LAMC1: variants seen among roughly 807,000 people sequenced by gnomAD.
LAMC1 encodes the protein laminin subunit gamma 1, also known as laminin subunit gamma-1.
Under a neutral mutation model 173.6 loss-of-function variants are expected in LAMC1, and 38 were observed. That is an observed-to-expected ratio of 0.22 (90% CI 0.17 to 0.29). LAMC1 has a LOEUF of 0.29. LAMC1 is among the 10% of genes least tolerant of loss of function. The pLI, the probability that LAMC1 is intolerant of heterozygous loss-of-function variation, is 1.00. For missense variants in LAMC1, 1,824 were observed against 2,051.8 expected (o/e 0.89, Z 2.14); for synonymous variants, 746 against 749.1 (o/e 1.00, Z 0.07).
In LAMC1 at chr1:183,134,768, G is replaced by A. The variant is rs755897566; in HGVS notation, c.3958G>A (p.Glu1320Lys). The change falls in exon 23 of 28, where the codon GAA (glutamate) becomes AAA (lysine). Residue 1320 changes from glutamate (E) to lysine (K), a missense_variant. Transcript: ENST00000258341. ...LREDMRGKEL[E>K]VKNLLEKGKT... is the part of the protein sequence containing the mutation. The stretch of plus-strand genomic sequence containing the variant: ...AGAAGATATGAGAGGGAAGGAACTT[G>A]AAGTCAAGAACCTTCTGGAGAAAGG... 4.3e-6 allele frequency: 7 copies of A among 1,613,866 alleles called. No individual in the cohort carries two copies. The highest frequency in any genetic ancestry group is 5.1e-6 in the Non-Finnish European group (6 of 1,179,926).
intron 3 of LAMC1, 78 bp downstream of exon 3, chr1:183,108,484 TA>T: frequency 8.0e-7 from 1 of 1,249,442 alleles, no homozygotes; most frequent in Non-Finnish European, 1.1e-6. Flanking sequence ...TGTTTACAAC[TA>T]TGTTAATACC....
chr1:183,128,481 AAAAAG>A, intron 17 of LAMC1, 108 bp from the exon 18 acceptor site: 3 of 747,770 alleles, frequency 4.0e-6, no homozygotes, highest in South Asian at 2.9e-5. Context: ...AAAAAAAAAA[AAAAAG>A]AACTACATAT....
At chr1:183,025,073 G>A (rs1370471096) in intron 1 of LAMC1, among the ~76,000 whole-genome samples, 1 of 152,214 alleles carries the variant, frequency 6.6e-6, no homozygotes, top group Non-Finnish European at 1.5e-5. Context: ...TGAGAAACAC[G>A]TTTGACTTAA....
chr1:183,091,241 C>G (rs1225081152), intron 1 of LAMC1, among the ~76,000 whole-genome samples: 1 of 152,032 alleles, frequency 6.6e-6, no homozygotes, highest in African/African-American at 2.4e-5. Flanking sequence ...TTTCTTAGAT[C>G]TGGATTGGAG....
At chr1:183,052,465 C>G (rs12068811) in intron 1 of LAMC1, among the ~76,000 whole-genome samples, 7,229 of 152,176 alleles carry the variant, frequency 0.048, 361 homozygotes, top group African/African-American at 0.13. Flanking sequence ...TCCCGAGTAG[C>G]TGGGATTACA....
At chr1:183,105,669 G>A (rs554196642) in intron 2 of LAMC1, among the ~76,000 whole-genome samples, 3 of 152,238 alleles carry the variant, frequency 2.0e-5, no homozygotes, top group East Asian at 1.9e-4. Context: ...CTGCATAGAC[G>A]TGGTCAGTCA....
At position 183,124,862 on chromosome 1, in the gene LAMC1, C is replaced by T. The variant is rs745594870; in HGVS notation, c.2633C>T (p.Ala878Val). 6.2e-7 allele frequency: 1 copy of T among 1,613,992 alleles called. No individual in the cohort carries two copies. The highest frequency in any genetic ancestry group is 1.3e-5 in the African/African-American group (1 of 74,930). Reference sequence around the variant, plus strand: ...GGAAATCCCCTGGCTCCCAATCCAGCAGACAAATGCAAAGGTAATCAGCCT... The same window carrying T: ...GGAAATCCCCTGGCTCCCAATCCAGTAGACAAATGCAAAGGTAATCAGCCT... ...FFGNPLAPNP[A>V]DKCKACNCNL... Residue 878 changes from alanine to valine, a missense_variant, in exon 14 of 28, where the codon GCA becomes GTA. Coordinates refer to ENST00000258341, the MANE Select transcript of LAMC1 (RefSeq NM_002293.4).
At chr1:183,038,985 T>C (rs1010652699) in intron 1 of LAMC1, among the ~76,000 whole-genome samples, 4 of 152,140 alleles carry the variant, frequency 2.6e-5, no homozygotes, top group African/African-American at 9.7e-5. Context: ...TTATTTAATC[T>C]CTTACCAAAT....
intron 1 of LAMC1, among the ~76,000 whole-genome samples, chr1:183,055,082 G>A (rs1319769224): frequency 2.0e-5 from 3 of 150,760 alleles, no homozygotes; most frequent in East Asian, 3.9e-4. Flanking sequence ...TCCACCTCCC[G>A]GGTTCAAGCG....
intron 1 of LAMC1, among the ~76,000 whole-genome samples, chr1:183,030,227 T>A (rs1436577119): frequency 3.3e-5 from 5 of 152,222 alleles, no homozygotes; most frequent in Non-Finnish European, 7.3e-5. Flanking sequence ...AGACTCCATA[T>A]GTCCCAGCCC....
intron 1 of LAMC1, among the ~76,000 whole-genome samples, chr1:183,096,869 T>C (rs1655706630): frequency 2.0e-5 from 3 of 152,226 alleles, no homozygotes; most frequent in Non-Finnish European, 2.9e-5. Flanking sequence ...AGATAAGTTT[T>C]AGCCAATAGA....
intron 19 of LAMC1, among the ~76,000 whole-genome samples, chr1:183,130,845 T>C (rs1335910044): frequency 6.6e-6 from 1 of 152,084 alleles, no homozygotes; most frequent in Admixed American, 6.6e-5. Flanking sequence ...CAATCAAGGG[T>C]GCTGATATTA....
intron 1 of LAMC1, among the ~76,000 whole-genome samples, chr1:183,081,481 C>G (rs912718870): frequency 1.3e-5 from 2 of 151,344 alleles, no homozygotes; most frequent in Non-Finnish European, 2.9e-5. Flanking sequence ...ACCTATGGTC[C>G]CAGCTACAGT....
chr1:183,106,225 G>C (rs1418754491), intron 2 of LAMC1, among the ~76,000 whole-genome samples: 2 of 152,300 alleles, frequency 1.3e-5, no homozygotes, highest in Admixed American at 6.5e-5. Context: ...TTTTTGAGAA[G>C]CTCTTATTCA....
Position 183,134,651 on chromosome 1 carries a change from T to C in LAMC1, c.3850-9T>C. 1 of 1,606,030 alleles carries C rather than the reference T, an allele frequency of 6.2e-7. No homozygotes were observed. Among genetic ancestry groups the C allele is most frequent in the Non-Finnish European group, 8.5e-7 (1 of 1,177,332 alleles). On this transcript the variant is annotated splice_polypyrimidine_tract_variant and intron_variant, in intron 22 of 27. Transcript: ENST00000258341. ...TCCAAAGTGTAGTGATCTTACTTGC[T>C]TTTCACAGAATGAAGCAAATAACAT...
intron 1 of LAMC1, among the ~76,000 whole-genome samples, chr1:183,051,513 C>T (rs371441679): frequency 6.6e-6 from 1 of 152,218 alleles, no homozygotes; most frequent in African/African-American, 2.4e-5. Context: ...ATTCTTGACT[C>T]TCAAAATCAT....
At chr1:183,103,277 T>C in intron 1 of LAMC1, 51 bp from the exon 2 acceptor site, 1 of 1,531,846 alleles carries the variant, frequency 6.5e-7, no homozygotes, top group South Asian at 1.2e-5. Flanking sequence ...TAGAGGGCAT[T>C]TGTTTGCTTC....
At chr1:183,064,904 A>G (rs1654837442) in intron 1 of LAMC1, among the ~76,000 whole-genome samples, 1 of 152,166 alleles carries the variant, frequency 6.6e-6, no homozygotes, top group Non-Finnish European at 1.5e-5. Context: ...ATGCCATTCC[A>G]CTGCAGGGTG....
Position 183,116,728 on chromosome 1 carries a change from T to TAA in LAMC1, c.1428-31_1428-30dup, listed in dbSNP as rs201366456. On this transcript the variant is annotated intron_variant, in intron 7 of 27. Coordinates refer to ENST00000258341, the MANE Select transcript of LAMC1 (RefSeq NM_002293.4). ...GTGTTTTCTGTTACCATATTTCAAG[T>TAA]AAAAAAAAAGTAACTGATTGTGTCT... 3.1e-6 allele frequency: 5 copies of TAA among 1,594,466 alleles called. No homozygotes were observed. The Admixed American group carries it at 8.4e-5, about 27-fold the overall frequency.
Sources: gnomAD v4.1 joint callset for allele counts (sites outside exome capture counted in the v4.1 genomes callset) on GRCh38, gnomAD v4.1.1 for gene constraint, MANE v1.5 for transcripts, NCBI Gene and HGNC (gene_info 2026-07-23, HGNC 2026-07-21) for gene names.